The following PRSS54 variants were observed in gnomAD, a reference collection of about 807,000 sequenced individuals.
PRSS54 encodes inactive serine protease 54.
PRSS54 carries 16 observed loss-of-function variants against 19.9 expected under a neutral mutation model. The observed-to-expected ratio is 0.80, with a 90% confidence interval of 0.54 to 1.22. The LOEUF is 1.22. Among genes scored for constraint, PRSS54 ranks in the 50% most tolerant of loss-of-function variants. The pLI, the probability that PRSS54 is intolerant of heterozygous loss-of-function variation, is 0.00. For synonymous variants in PRSS54, 177 were observed against 195.8 expected, an observed-to-expected ratio of 0.90 and a Z score of 0.80; for missense variants, 444 against 494.8, an observed-to-expected ratio of 0.90 and a Z score of 0.97.
intron 3 of PRSS54, 25 bp downstream of exon 3, chr16:58,293,707 A>G (rs772694858): frequency 6.2e-7 from 1 of 1,603,640 alleles, no homozygotes; most frequent in African/African-American, 1.3e-5. Flanking sequence ...AGCTAAAGTC[A>G]GAGGGAGGAA....
At position 58,280,349 on chromosome 16, in the gene PRSS54, A is replaced by G; in HGVS notation, c.1063T>C (p.Tyr355His). The G allele has an allele frequency of 6.2e-7, 1 of 1,614,192 alleles. No homozygotes were observed. Among genetic ancestry groups the G allele is most frequent in the Non-Finnish European group, 8.5e-7 (1 of 1,180,032 alleles). ...ACCTCCCCACCGTAATAGTCATAGT[A>G]TAAGGGTTGTACAGACGCCTCAGGA... ...RSPEASVQPL[Y>H]YDYYGGEVGE... The change falls in exon 7 of 7, where the codon TAC becomes CAC. Residue 355 changes from tyrosine (Y) to histidine (H), a missense_variant. By Grantham distance (83) the Tyr-to-His change is moderately conservative. Transcript: ENST00000567164.
At chr16:58,288,547 T>C (rs985461228) in intron 4 of PRSS54, among the ~76,000 whole-genome samples, 7 of 152,054 alleles carry the variant, frequency 4.6e-5, no homozygotes, top group African/African-American at 1.7e-4. Flanking sequence ...ATGAAAACAC[T>C]ACATAGAAAA....
intron 6 of PRSS54, chr16:58,283,228 G>A (rs528079075): frequency 6.6e-6 from 1 of 152,236 alleles, no homozygotes; most frequent in Admixed American, 6.5e-5. Flanking sequence ...GATTCTACAT[G>A]TGGGAATTGT....
intron 6 of PRSS54, 116 bp from the exon 7 acceptor site, chr16:58,280,873 A>T (rs897882286): frequency 1.1e-6 from 1 of 927,626 alleles, no homozygotes; most frequent in East Asian, 2.6e-5. Flanking sequence ...CTCACTGGAA[A>T]TGGGGCAAAT....
chr16:58,293,891 T>C, intron 2 of PRSS54, 69 bp from the exon 3 acceptor site: 2 of 1,247,728 alleles, frequency 1.6e-6, no homozygotes, highest in Non-Finnish European at 2.3e-6. Flanking sequence ...TGCCTCTTTT[T>C]TCCATCCTCT....
At chr16:58,286,913 C>T (rs1195068803) in intron 4 of PRSS54, among the ~76,000 whole-genome samples, 1 of 152,124 alleles carries the variant, frequency 6.6e-6, no homozygotes, top group Non-Finnish European at 1.5e-5. Flanking sequence ...GAAACAAGAC[C>T]ATGACCAAAA....
At position 58,280,774 on chromosome 16, in the gene PRSS54, A is replaced by C. The variant is rs1156634170; in HGVS notation, c.655-17T>G. On this transcript the variant is annotated splice_polypyrimidine_tract_variant and intron_variant, in intron 6 of 6. Transcript: ENST00000567164. ...TGGGTCCCCCTGTGATAAAAGACAG[A>C]AGGCTTCAAGTCTTAGAAAAACTAG... 3.2e-6 allele frequency: 5 copies of C among 1,580,178 alleles called. No homozygotes were observed. Among genetic ancestry groups the C allele is most frequent in the Non-Finnish European group, 4.3e-6 (5 of 1,161,530 alleles).
chr16:58,291,157 C>T (rs752812648), intron 3 of PRSS54, 21 bp from the exon 4 acceptor site: 14 of 1,610,650 alleles, frequency 8.7e-6, no homozygotes, highest in Non-Finnish European at 5.1e-6. Flanking sequence ...GGTGCGGGGC[C>T]TCACTGCCGG....
chr16:58,284,133 T>A (rs2142636340), intron 6 of PRSS54, among the ~76,000 whole-genome samples: 1 of 152,218 alleles, frequency 6.6e-6, no homozygotes, highest in Non-Finnish European at 1.5e-5. Context: ...TCTACACATT[T>A]TTTTTTGAGG....
chr16:58,283,139 C>T (rs1403073367), intron 6 of PRSS54: 1 of 152,196 alleles, frequency 6.6e-6, no homozygotes, highest in Non-Finnish European at 1.5e-5. Context: ...AGAATAAAGG[C>T]AGGATGGGTG....
At chr16:58,294,676 G>A (rs760031261) in intron 1 of PRSS54, among the ~76,000 whole-genome samples, 6 of 152,116 alleles carry the variant, frequency 3.9e-5, no homozygotes, top group East Asian at 1.9e-4. Context: ...CACCGTGCCC[G>A]GCCAATAGCC....
intron 6 of PRSS54, chr16:58,282,779 C>T (rs1270283340): frequency 7.9e-5 from 12 of 152,406 alleles, no homozygotes; most frequent in African/African-American, 2.9e-4. Flanking sequence ...TTCCCCCTTT[C>T]ATCAGTCCGA....
At position 58,290,921 on chromosome 16, in the gene PRSS54, C is replaced by T. The variant is rs1263417576; in HGVS notation, c.263+38G>A. On this transcript the variant is annotated intron_variant, in intron 4 of 6. Transcript: ENST00000567164. ...AACAGGGTCGCCCCCACCCTCACCCCCGGCGATGTTGCGGGCCCCAAAGGC... is the reference window on the plus strand; with the variant it reads ...AACAGGGTCGCCCCCACCCTCACCCTCGGCGATGTTGCGGGCCCCAAAGGC... 8 of 1,607,644 alleles carry T rather than the reference C, an allele frequency of 5.0e-6. No homozygotes were observed. In the Admixed American group the frequency reaches 1.2e-4, roughly 24 times the overall value.
intron 6 of PRSS54, chr16:58,281,009 A>C: frequency 4.3e-6 from 2 of 465,164 alleles, no homozygotes; most frequent in South Asian, 3.8e-5. Flanking sequence ...TTCATATTTC[A>C]TTTTCTTGCC....
intron 6 of PRSS54, chr16:58,283,427 A>G (rs1291670705): frequency 1.3e-5 from 2 of 152,240 alleles, no homozygotes; most frequent in East Asian, 1.9e-4. Flanking sequence ...TAGAGTAGAA[A>G]TAGCTTAGAA....
chr16:58,284,753 T>C (rs1326963980), intron 5 of PRSS54, 32 bp from the exon 6 acceptor site: 3 of 1,612,852 alleles, frequency 1.9e-6, no homozygotes, highest in South Asian at 2.2e-5. Flanking sequence ...CCAGGGATTA[T>C]TAACGAGAAG....
At chr16:58,284,796 T>C in intron 5 of PRSS54, 75 bp from the exon 6 acceptor site, 7 of 1,546,862 alleles carry the variant, frequency 4.5e-6, no homozygotes, top group Non-Finnish European at 6.2e-6. Flanking sequence ...CTCCCACTCA[T>C]ATAGCCAAAC....
intron 3 of PRSS54, among the ~76,000 whole-genome samples, chr16:58,292,110 G>A (rs1039379818): frequency 2.0e-5 from 3 of 152,046 alleles, no homozygotes; most frequent in Non-Finnish European, 4.4e-5. Context: ...TCTATTTTTA[G>A]CAGAGATGAG....
rs1964918115 is a variant in PRSS54 at position 58,286,202 on chromosome 16, A to G, written c.264-7T>C. 1 of 1,613,514 alleles carries G rather than the reference A, an allele frequency of 6.2e-7. No individual in the cohort carries two copies. Among genetic ancestry groups the G allele is most frequent in the African/African-American group, 1.3e-5 (1 of 74,926 alleles). On this transcript the variant is annotated splice_region_variant and splice_polypyrimidine_tract_variant and intron_variant, in intron 4 of 6. Transcript: ENST00000567164. Reference sequence around the variant, plus strand: ...TATAACGACAATGTCCTTCCTGGAGAGAGAGCAAGGGAATCTTGAGAAGCC... The same window carrying G: ...TATAACGACAATGTCCTTCCTGGAGGGAGAGCAAGGGAATCTTGAGAAGCC...
Sources: gnomAD v4.1 joint callset for allele counts (sites outside exome capture counted in the v4.1 genomes callset) on GRCh38, gnomAD v4.1.1 for gene constraint, MANE v1.5 for transcripts, NCBI Gene and HGNC (gene_info 2026-07-23, HGNC 2026-07-21) for gene names.